The following PTCHD4 variants were observed in gnomAD, a reference collection of about 807,000 sequenced individuals.
PTCHD4 encodes patched domain containing 4.
In PTCHD4, 33 loss-of-function variants were observed where a neutral mutation model predicts 58.1. That is an observed-to-expected ratio of 0.57 (90% CI 0.43 to 0.76). The LOEUF (loss-of-function observed/expected upper bound fraction) is 0.76, where lower values mean the gene tolerates loss of function less well. Ranked by LOEUF, PTCHD4 falls within the 30% of genes least tolerant of loss-of-function variation. The pLI, the probability that PTCHD4 is intolerant of heterozygous loss-of-function variation, is 0.00. For missense variants in PTCHD4, 1,058 were observed against 1,027.1 expected (o/e 1.03, Z -0.41); for synonymous variants, 478 against 409.6 (o/e 1.17, Z -2.02).
At chr6:48,022,663 G>T (rs1763107880) in intron 3 of PTCHD4, among the ~76,000 whole-genome samples, 1 of 152,082 alleles carries the variant, frequency 6.6e-6, no homozygotes, top group Non-Finnish European at 1.5e-5. Flanking sequence ...GGGCTGATGT[G>T]ATGTATTTTA....
At chr6:48,060,413 A>G (rs1209181380) in intron 3 of PTCHD4, among the ~76,000 whole-genome samples, 1 of 152,184 alleles carries the variant, frequency 6.6e-6, no homozygotes, top group Non-Finnish European at 1.5e-5. Context: ...TCCTGAAACT[A>G]TGAGAGCCCT....
intron 4 of PTCHD4, among the ~76,000 whole-genome samples, chr6:47,960,943 C>A (rs1767063212): frequency 6.8e-6 from 1 of 147,084 alleles, no homozygotes; most frequent in East Asian, 2.0e-4. Context: ...ATTGTCTTGA[C>A]CTAGCTGCCT....
chr6:48,054,009 A>T (rs1266434835), intron 3 of PTCHD4, among the ~76,000 whole-genome samples: 1 of 152,136 alleles, frequency 6.6e-6, no homozygotes, highest in African/African-American at 2.4e-5. Context: ...TAGGTAAGAT[A>T]GGGGGATCTT....
chr6:47,927,265 G>T (rs761969940), intron 4 of PTCHD4, among the ~76,000 whole-genome samples: 14 of 152,190 alleles, frequency 9.2e-5, no homozygotes, highest in Non-Finnish European at 1.8e-4. Context: ...GTGGGGCTGT[G>T]CCTCTTGTTG....
intron 3 of PTCHD4, among the ~76,000 whole-genome samples, chr6:48,048,936 T>C (rs1479715098): frequency 2.6e-5 from 4 of 151,970 alleles, no homozygotes; most frequent in African/African-American, 9.7e-5. Flanking sequence ...AAGTGGCCTG[T>C]GTACTTTTGA....
chr6:48,056,285 A>G (rs979005456), intron 3 of PTCHD4, among the ~76,000 whole-genome samples: 5 of 152,226 alleles, frequency 3.3e-5, no homozygotes, highest in Non-Finnish European at 5.9e-5. Context: ...TAAGTAACAC[A>G]TATACTTATT....
chr6:47,993,072 G>A (rs1396014625), intron 4 of PTCHD4, among the ~76,000 whole-genome samples: 3 of 152,128 alleles, frequency 2.0e-5, no homozygotes, highest in Non-Finnish European at 4.4e-5. Flanking sequence ...ACCATGGCAC[G>A]AAACAAGGAC....
intron 4 of PTCHD4, among the ~76,000 whole-genome samples, chr6:47,924,203 C>T (rs1765523521): frequency 6.6e-6 from 1 of 152,056 alleles, no homozygotes; most frequent in African/African-American, 2.4e-5. Flanking sequence ...TGGCTGGATG[C>T]TTGATCCAGA....
At chr6:48,037,844 G>A (rs909509758) in intron 3 of PTCHD4, among the ~76,000 whole-genome samples, 2 of 150,314 alleles carry the variant, frequency 1.3e-5, no homozygotes, top group Admixed American at 1.3e-4. Flanking sequence ...AGACCTTCAC[G>A]AATCCATAAG....
intron 3 of PTCHD4, among the ~76,000 whole-genome samples, chr6:48,041,886 A>G (rs1052721922): frequency 6.6e-6 from 1 of 152,026 alleles, no homozygotes; most frequent in Non-Finnish European, 1.5e-5. Flanking sequence ...GAATGTTTAT[A>G]TAACTAGTAA....
At chr6:47,908,487 A>C (rs1431909932) in intron 4 of PTCHD4, among the ~76,000 whole-genome samples, 1 of 152,176 alleles carries the variant, frequency 6.6e-6, no homozygotes, top group African/African-American at 2.4e-5. Flanking sequence ...TTCTGCAATG[A>C]ATGGACTCTA....
intron 4 of PTCHD4, among the ~76,000 whole-genome samples, chr6:47,882,349 C>A (rs929432151): frequency 2.6e-5 from 4 of 152,000 alleles, no homozygotes; most frequent in African/African-American, 9.7e-5. Flanking sequence ...GAAGATGATA[C>A]TAAACCATAT....
At position 47,952,295 on chromosome 6, in the gene PTCHD4, C is replaced by G. The variant is rs544505444; in HGVS notation, c.898+56339G>C. Reference sequence around the variant, plus strand: ...CTGTGCTGCTGCAATATTTTCTTATCTATCGCAGCTATAGTTCTCTTGGCT... The same window carrying G: ...CTGTGCTGCTGCAATATTTTCTTATGTATCGCAGCTATAGTTCTCTTGGCT... On this transcript the variant is annotated intron_variant, in intron 4 of 4. Transcript: ENST00000339488. 4.2e-4 allele frequency among the ~76,000 whole-genome samples: 64 copies of G among 152,224 alleles called. 1 individual carries two copies. The highest frequency in any genetic ancestry group is 7.2e-4 in the Non-Finnish European group (49 of 67,960).
At chr6:47,949,421 C>T (rs549430653) in intron 4 of PTCHD4, among the ~76,000 whole-genome samples, 1 of 152,228 alleles carries the variant, frequency 6.6e-6, no homozygotes, top group Non-Finnish European at 1.5e-5. Flanking sequence ...TCTCTGTGTC[C>T]CTTGAAACCT....
chr6:47,950,606 T>G (rs1317386153), intron 4 of PTCHD4, among the ~76,000 whole-genome samples: 1 of 152,094 alleles, frequency 6.6e-6, no homozygotes, highest in African/African-American at 2.4e-5. Flanking sequence ...AAGATTTTGA[T>G]TTTGGGGAAG....
rs6916138 is a variant in PTCHD4 at position 48,016,325 on chromosome 6, C to T, written c.418-7211G>A. On this transcript the variant is annotated intron_variant, in intron 3 of 4. Transcript: ENST00000339488. ...TATTAAGGAGTTGGACTTAATTATC[C>T]TTCAATACAAATCCATTGATGAGTT... is the stretch of plus-strand genomic sequence containing the variant. Among the ~76,000 whole-genome samples, 1,050 of 152,072 alleles carry T rather than the reference C, an allele frequency of 6.9e-3. 28 individuals are homozygous for T. Among genetic ancestry groups the T allele is most frequent in the African/African-American group, 0.023 (936 of 41,372 alleles).
chr6:48,110,094 T>C (rs187840173), intron 1 of PTCHD4, among the ~76,000 whole-genome samples: 1 of 152,256 alleles, frequency 6.6e-6, no homozygotes, highest in Admixed American at 6.5e-5. Context: ...GATACAGCAA[T>C]TCCACCACTG....
intron 1 of PTCHD4, among the ~76,000 whole-genome samples, chr6:48,084,735 CTTTT>C (rs537327491): frequency 1.5e-5 from 2 of 137,902 alleles, no homozygotes. Context: ...TTCTTTCTTT[CTTTT>C]TTTTTTTTTT....
Position 47,873,566 on chromosome 6 carries a change from G to C in PTCHD4, c.*4737C>G, listed in dbSNP as rs1381170855. The stretch of plus-strand genomic sequence containing the variant: ...GGATCTCATGCAGTGTGGCTTTGTT[G>C]CTTTCACTTATGATTTTGCTGCTTT... On this transcript the variant is annotated 3_prime_UTR_variant, in exon 5 of 5. Coordinates refer to ENST00000339488, the MANE Select transcript of PTCHD4 (RefSeq NM_001384253.1). Among the ~76,000 whole-genome samples the C allele has an allele frequency of 6.6e-6, 1 of 151,664 alleles. No individual in the cohort carries two copies. Among genetic ancestry groups the C allele is most frequent in the Non-Finnish European group, 1.5e-5 (1 of 67,782 alleles).
Sources: allele counts gnomAD v4.1 joint callset (sites outside exome capture counted in the v4.1 genomes callset), GRCh38; gene constraint gnomAD v4.1.1; transcripts MANE v1.5; gene names NCBI Gene and HGNC (gene_info 2026-07-23, HGNC 2026-07-21).